Variants in TLN2 observed in about 807,000 individuals in gnomAD.
TLN2 encodes talin-2.
TLN2 carries 118 observed loss-of-function variants against 294.7 expected under a neutral mutation model. The ratio of observed to expected loss-of-function variants is 0.40; its 90% CI spans 0.34 to 0.47. TLN2 has a LOEUF of 0.47. Ranked by LOEUF, TLN2 falls within the 20% of genes least tolerant of loss-of-function variation. TLN2 has a pLI of 0.84. For missense variants in TLN2, 3,083 were observed against 3,282.2 expected (o/e 0.94, Z 1.48); for synonymous variants, 1,431 against 1,304.5 (o/e 1.10, Z -2.09).
intron 1 of TLN2, among the ~76,000 whole-genome samples, chr15:62,445,794 T>C (rs2035791249): frequency 6.6e-6 from 1 of 151,808 alleles, no homozygotes; most frequent in Admixed American, 6.6e-5. Flanking sequence ...CTCCCAAGTA[T>C]CTGGAACTAC....
At chr15:62,595,711 A>G (rs2046442312) in intron 2 of TLN2, among the ~76,000 whole-genome samples, 1 of 152,252 alleles carries the variant, frequency 6.6e-6, no homozygotes, top group African/African-American at 2.4e-5. Context: ...ATACATACAC[A>G]GTGAAATACT....
chr15:62,535,467 TACACACACACACAC>T (rs35591215), intron 1 of TLN2, among the ~76,000 whole-genome samples: 1 of 148,904 alleles, frequency 6.7e-6, no homozygotes, highest in South Asian at 2.1e-4. Flanking sequence ...TGTCTGTGTG[TACACACACACACAC>T]ACACACACAC....
intron 21 of TLN2, among the ~76,000 whole-genome samples, chr15:62,710,150 G>T (rs2059333551): frequency 6.6e-6 from 1 of 152,016 alleles, no homozygotes; most frequent in Non-Finnish European, 1.5e-5. Flanking sequence ...TAGTTTTTTT[G>T]TTTGTTAGTT....
Position 62,653,247 on chromosome 15 carries a change from C to A in TLN2, c.450C>A (p.Asp150Glu). ...AAGGAACGGGCACACTCAAAAAAGA[C>A]AGGACACTGTTACGAGATGAGAGGA... ...KEEGTGTLKK[D>E]RTLLRDERKM... The change falls in exon 7 of 59, where the codon GAC (aspartate) becomes GAA (glutamate). Residue 150 changes from aspartate to glutamate, a missense_variant. Asp to Glu is a conservative substitution (Grantham distance 45). Coordinates refer to ENST00000636159, the MANE Select transcript of TLN2 (RefSeq NM_015059.3). 6.2e-7 allele frequency: 1 copy of A among 1,613,420 alleles called. No individual in the cohort carries two copies.
chr15:62,766,228 G>A, intron 40 of TLN2, 93 bp from the exon 41 acceptor site: 1 of 1,055,540 alleles, frequency 9.5e-7, no homozygotes, highest in Non-Finnish European at 1.4e-6. Flanking sequence ...TGCTTTGTGT[G>A]GCCTCTGTCA....
chr15:62,680,972 T>A (rs1050910836), intron 11 of TLN2, among the ~76,000 whole-genome samples: 2 of 152,214 alleles, frequency 1.3e-5, no homozygotes, highest in African/African-American at 4.8e-5. Flanking sequence ...CTCTATCCAC[T>A]CATTAGTTGA....
At chr15:62,561,159 G>A (rs1307416207) in intron 1 of TLN2, among the ~76,000 whole-genome samples, 1 of 152,234 alleles carries the variant, frequency 6.6e-6, no homozygotes, top group Admixed American at 6.5e-5. Flanking sequence ...TGAGTGGCGG[G>A]AATAATAGGA....
At chr15:62,562,455 C>T (rs1293819336) in intron 1 of TLN2, among the ~76,000 whole-genome samples, 1 of 152,182 alleles carries the variant, frequency 6.6e-6, no homozygotes, top group East Asian at 1.9e-4. Context: ...CTGTCTCCTC[C>T]TTGCCTGTCT....
chr15:62,450,689 C>CT (rs2036084241), intron 1 of TLN2, among the ~76,000 whole-genome samples: 1 of 152,024 alleles, frequency 6.6e-6, no homozygotes, highest in Admixed American at 6.6e-5. Context: ...ATCCTCCTGC[C>CT]TTAGCCTCCT....
chr15:62,598,888 GCA>G lies in TLN2; in HGVS notation c.-162+9129_-162+9130del, dbSNP rs1166433954. Among the ~76,000 whole-genome samples, 6 of 152,194 alleles carry G rather than the reference GCA, an allele frequency of 3.9e-5. No individual in the cohort carries two copies. The South Asian group carries it at 1.0e-3, about 26-fold the overall frequency. ...AGGTGCCCTGGGCGATGGGACCCGTGCACAGTGTTGGTGTCCTTCCCACTCCT... is the reference window on the plus strand; with the variant it reads ...AGGTGCCCTGGGCGATGGGACCCGTGCAGTGTTGGTGTCCTTCCCACTCCT... On this transcript the variant is annotated intron_variant, in intron 2 of 58. Coordinates refer to ENST00000636159, the MANE Select transcript of TLN2 (RefSeq NM_015059.3).
rs150153077 is a variant in TLN2, at chr15:62,614,126, A to G, written c.-161-4225A>G. Reference sequence around the variant, plus strand: ...ATGTACAGTTTATTGTATATAAATTATGACTCAAAAATGAGTGCTTTTAAA... The same window carrying G: ...ATGTACAGTTTATTGTATATAAATTGTGACTCAAAAATGAGTGCTTTTAAA... On this transcript the variant is annotated intron_variant, in intron 2 of 58. Transcript: ENST00000636159. Among the ~76,000 whole-genome samples, 12 of 152,350 alleles carry G rather than the reference A, an allele frequency of 7.9e-5. No individual in the cohort carries two copies. The East Asian group carries it at 2.1e-3, about 27-fold the overall frequency.
Position 62,510,225 on chromosome 15 carries a change from G to A in TLN2, c.-237-79462G>A, listed in dbSNP as rs189154698. ...GCCAGCCCCTTTGGGTCAGCACTGG[G>A]CACCCACCAGAGCATGCCATTTTCC... On this transcript the variant is annotated intron_variant, in intron 1 of 58. Coordinates refer to ENST00000636159, the MANE Select transcript of TLN2 (RefSeq NM_015059.3). Among the ~76,000 whole-genome samples, 69 of 152,252 alleles carry A rather than the reference G, an allele frequency of 4.5e-4. 1 individual carries two copies. In the East Asian group the frequency reaches 0.013, roughly 28 times the overall value.
chr15:62,391,343 A>G (rs937047129), intron 1 of TLN2, among the ~76,000 whole-genome samples: 2 of 152,248 alleles, frequency 1.3e-5, no homozygotes, highest in Non-Finnish European at 2.9e-5. Flanking sequence ...CGACGGGGGC[A>G]GTGCCGGGCC....
intron 1 of TLN2, among the ~76,000 whole-genome samples, chr15:62,574,287 A>G (rs1237994435): frequency 6.6e-6 from 1 of 152,006 alleles, no homozygotes; most frequent in Non-Finnish European, 1.5e-5. Flanking sequence ...CTTTTAAAAA[A>G]CATGATTAGC....
chr15:62,466,135 A>T (rs971301572), intron 1 of TLN2, among the ~76,000 whole-genome samples: 7 of 152,198 alleles, frequency 4.6e-5, no homozygotes, highest in African/African-American at 1.7e-4. Flanking sequence ...CCTGGAGAGC[A>T]GCCGTACTTT....
At chr15:62,498,153 C>CA (rs538951284) in intron 1 of TLN2, among the ~76,000 whole-genome samples, 18,700 of 92,966 alleles carry the variant, frequency 0.2, 1,739 homozygotes, top group Non-Finnish European at 0.25. Flanking sequence ...GACCCTGCCT[C>CA]AAAAAAAAAA....
chr15:62,474,823 G>T (rs2037695095), intron 1 of TLN2, among the ~76,000 whole-genome samples: 1 of 152,134 alleles, frequency 6.6e-6, no homozygotes, highest in Non-Finnish European at 1.5e-5. Context: ...GTCCCAGGTG[G>T]AATCCTTGAC....
chr15:62,521,014 T>C (rs967347479), intron 1 of TLN2, among the ~76,000 whole-genome samples: 1 of 152,204 alleles, frequency 6.6e-6, no homozygotes, highest in African/African-American at 2.4e-5. Context: ...AAGGAGAGTA[T>C]ACTACTTTAA....
At chr15:62,620,217 T>C (rs972385590) in intron 3 of TLN2, among the ~76,000 whole-genome samples, 1 of 152,086 alleles carries the variant, frequency 6.6e-6, no homozygotes, top group Non-Finnish European at 1.5e-5. Context: ...CTGGCCTCAG[T>C]TAATCTTTAT....
Sources: allele counts gnomAD v4.1 joint callset (sites outside exome capture counted in the v4.1 genomes callset), GRCh38; gene constraint gnomAD v4.1.1; transcripts MANE v1.5; gene names NCBI Gene and HGNC (gene_info 2026-07-23, HGNC 2026-07-21).